COL6A1: variants seen among roughly 807,000 people sequenced by gnomAD.
The protein encoded by COL6A1 is collagen type VI alpha 1 chain, also known as collagen alpha-1(VI) chain.
COL6A1 carries 80 observed loss-of-function variants against 145.6 expected under a neutral mutation model. That is an observed-to-expected ratio of 0.55 (90% confidence interval 0.46 to 0.66). COL6A1 has a LOEUF of 0.66. COL6A1 is among the 30% of genes least tolerant of loss of function. COL6A1 has a pLI of 0.00. For synonymous variants in COL6A1, 638 were observed against 622.8 expected, an observed-to-expected ratio of 1.02 and a Z score of -0.36; for missense variants, 1,364 against 1,473.8, an observed-to-expected ratio of 0.93 and a Z score of 1.22.
At chr21:46,002,954 C>T (rs573060982) in intron 33 of COL6A1, among the ~76,000 whole-genome samples, 166 bp from the exon 34 acceptor site, 30 of 152,228 alleles carry the variant, frequency 2.0e-4, no homozygotes, top group African/African-American at 7.0e-4. Context: ...CCTGTAGGTG[C>T]GCACGGGGCC....
chr21:45,998,274 C>T (rs1453249873), intron 23 of COL6A1, 103 bp downstream of exon 23: 10 of 1,577,216 alleles, frequency 6.3e-6, no homozygotes, highest in Admixed American at 5.3e-5. Context: ...GCCCCAGGAC[C>T]GCCGGCTGGC....
At position 46,003,961 on chromosome 21, in the gene COL6A1, T is replaced by C. The variant is rs1569519270; in HGVS notation, c.3035T>C (p.Leu1012Pro). 21 of 1,612,914 alleles carry C rather than the reference T, an allele frequency of 1.3e-5. No homozygotes were observed. The highest frequency in any genetic ancestry group is 1.6e-5 in the Non-Finnish European group (19 of 1,179,888). ...TTCCGTGTCCCCAGCTACCAGGCCC[T>C]GCTCCGCGGTGTCTTCCACCAGACA... ...HLFRVPSYQALLRGVFHQTVS... is the reference protein window; with the variant it reads ...HLFRVPSYQAPLRGVFHQTVS... The change falls in exon 35 of 35, where the codon CTG becomes CCG. Residue 1012 changes from leucine (L) to proline (P), a missense_variant. Leu to Pro is a moderately conservative substitution (Grantham distance 98). Coordinates refer to ENST00000361866, the MANE Select transcript of COL6A1 (RefSeq NM_001848.3).
chr21:45,992,671 C>G, intron 18 of COL6A1, 77 bp from the exon 19 acceptor site: 1 of 1,429,550 alleles, frequency 7.0e-7, no homozygotes, highest in Non-Finnish European at 9.6e-7. Flanking sequence ...TCAGTCCAGG[C>G]CAGGCCTCAA....
intron 27 of COL6A1, 77 bp downstream of exon 27, chr21:45,999,769 G>C: frequency 6.7e-7 from 1 of 1,489,564 alleles, no homozygotes; most frequent in East Asian, 2.3e-5. Context: ...CCTGTCCATG[G>C]GTGCTCCTGT....
chr21:45,988,585 C>T (rs768876703), intron 8 of COL6A1, among the ~76,000 whole-genome samples: 24 of 152,074 alleles, frequency 1.6e-4, no homozygotes, highest in Non-Finnish European at 2.9e-4. Flanking sequence ...TGCCCTCAGC[C>T]GCACTCTGTT....
chr21:45,985,542 T>C (rs2077734711), intron 3 of COL6A1, among the ~76,000 whole-genome samples: 1 of 152,218 alleles, frequency 6.6e-6, no homozygotes, highest in African/African-American at 2.4e-5. Context: ...GCATGCGCTT[T>C]CTCGGGGTTT....
rs1270747244 is a variant in COL6A1 at position 46,001,196 on chromosome 21, G to A, written c.1823-57G>A. 9 of 1,581,916 alleles carry A rather than the reference G, an allele frequency of 5.7e-6. No individual in the cohort carries two copies. The East Asian group carries it at 1.8e-4, about 32-fold the overall frequency. On this transcript the variant is annotated intron_variant, in intron 29 of 34. Transcript: ENST00000361866. ...GGAGGGGCCAGGGCGGTGGAGGGGA[G>A]GGGCCAGGGCACTGGAGGGGAGGGG... is the stretch of plus-strand genomic sequence containing the variant.
chr21:45,984,486 C>T lies in COL6A1; in HGVS notation c.428+17C>T. On this transcript the variant is annotated intron_variant, in intron 3 of 34. Transcript: ENST00000361866. ...CCTCGTGGGGTGAGTGGCCCCCAGC[C>T]TCCTGCCCACGCCAGTTCTCACGCG... The T allele has an allele frequency of 6.2e-7, 1 of 1,604,196 alleles. No homozygotes were observed. Among genetic ancestry groups the T allele is most frequent in the East Asian group, 2.2e-5 (1 of 44,856 alleles).
intron 15 of COL6A1, 84 bp downstream of exon 15, chr21:45,991,125 C>A: frequency 1.4e-6 from 2 of 1,476,142 alleles, no homozygotes; most frequent in Non-Finnish European, 1.9e-6. Context: ...GAAGCAAGTC[C>A]TGGTCCGAGC....
In COL6A1 at chr21:46,004,688, G is replaced by A. The variant is rs867951149; in HGVS notation, c.*675G>A. ...TCTCCTGAGGGTCCTGCTGGTGACC[G>A]GCCTGGACCTTGGCCCTACAGCCCT... On this transcript the variant is annotated 3_prime_UTR_variant, in exon 35 of 35. Transcript: ENST00000361866. 40 of 452,796 alleles carry A rather than the reference G, an allele frequency of 8.8e-5. No individual in the cohort carries two copies. Among genetic ancestry groups the A allele is most frequent in the East Asian group, 6.3e-4 (9 of 14,218 alleles). The allele number at this position is 452,796 out of a possible 1,614,324, so 28.0% of individuals were successfully genotyped here. A position where few individuals can be genotyped will look rare whatever the true frequency, so the allele number is the denominator to read the frequency against.
intron 28 of COL6A1, 30 bp from the exon 29 acceptor site, chr21:46,000,729 G>A: frequency 6.2e-7 from 1 of 1,613,890 alleles, no homozygotes; most frequent in Non-Finnish European, 8.5e-7. Context: ...GGCCCTGACT[G>A]GTCTAACTGA....
rs142231749 is a variant in COL6A1 at position 45,986,981 on chromosome 21, A to G, written c.626A>G (p.Tyr209Cys). 3 of 1,552,350 alleles carry G rather than the reference A, an allele frequency of 1.9e-6. No individual in the cohort carries two copies. The highest frequency in any genetic ancestry group is 2.7e-5 in the African/African-American group (2 of 73,352). ...AGCATCATCGCCACGGACCACACGT[A>G]CCGGCGCAACTTCACGGCGGCTGAC... ...RLSIIATDHT[Y>C]RRNFTAADWG... Residue 209 changes from tyrosine to cysteine, a missense_variant, in exon 5 of 35, where the codon TAC becomes TGC. Around this residue, in one of 3 missense-constraint regions of COL6A1, gnomAD observed 414 missense variants for 437.6 expected, o/e 0.95. Coordinates refer to ENST00000361866, the MANE Select transcript of COL6A1 (RefSeq NM_001848.3).
intron 30 of COL6A1, 102 bp from the exon 31 acceptor site, chr21:46,001,859 C>G (rs2077847520): frequency 1.0e-6 from 1 of 1,001,348 alleles, no homozygotes; most frequent in Non-Finnish European, 1.5e-6. Context: ...TCCTGGGGGC[C>G]ATGCCACCCT....
At position 46,005,021 on chromosome 21, in the gene COL6A1, C is replaced by T. The variant is rs550295195; in HGVS notation, c.*1008C>T. On this transcript the variant is annotated 3_prime_UTR_variant, in exon 35 of 35. Transcript: ENST00000361866. ...TTCTGAACCATATCCATGTTGCTGA[C>T]TTTTCCAAATAAAGGTTTTCACTCC... 3.9e-5 allele frequency: 6 copies of T among 153,708 alleles called. No individual in the cohort carries two copies. The South Asian group carries it at 9.7e-4, about 25-fold the overall frequency. 9.5% of individuals were successfully genotyped at this position (153,708 alleles called of 1,614,324 possible).
At chr21:45,986,230 T>A (rs2077738066) in intron 3 of COL6A1, among the ~76,000 whole-genome samples, 1 of 152,132 alleles carries the variant, frequency 6.6e-6, no homozygotes, top group South Asian at 2.1e-4. Context: ...CAGCCTCCAC[T>A]CACTGGTCAG....
intron 30 of COL6A1, 107 bp from the exon 31 acceptor site, chr21:46,001,854 G>T: frequency 1.1e-6 from 1 of 940,832 alleles, no homozygotes; most frequent in South Asian, 1.4e-5. Context: ...TGAGGTCCTG[G>T]GGGCCATGCC....
In COL6A1 at chr21:46,003,391, T is replaced by G. The variant is rs780264446; in HGVS notation, c.2465T>G (p.Ile822Ser). ...DKKCPDYTCP[I>S]TFSSPADITI... is the part of the protein sequence containing the mutation. The stretch of plus-strand genomic sequence containing the variant: ...AACGGCTGCCCACCCCGCCCCGCAG[T>G]CACGTTCTCCTCCCCGGCTGACATC... The change falls in exon 35 of 35, where the codon ATC becomes AGC. Residue 822 changes from isoleucine to serine, a missense_variant and splice_region_variant. Ile to Ser is a moderately radical substitution (Grantham distance 142). This residue lies in a region of COL6A1 where 938 missense variants were observed against 1,003.8 expected (regional missense o/e 0.93). Coordinates refer to ENST00000361866, the MANE Select transcript of COL6A1 (RefSeq NM_001848.3). 36 of 1,600,152 alleles carry G rather than the reference T, an allele frequency of 2.2e-5. No individual in the cohort carries two copies. Among genetic ancestry groups the G allele is most frequent in the Non-Finnish European group, 2.9e-5 (34 of 1,179,702 alleles).
At chr21:45,986,405 A>G in intron 3 of COL6A1, 121 bp from the exon 4 acceptor site, 1 of 934,440 alleles carries the variant, frequency 1.1e-6, no homozygotes, top group South Asian at 1.4e-5. Context: ...TATAGCCAGG[A>G]TCAGCAAAGA....
At position 45,982,717 on chromosome 21, in the gene COL6A1, A is replaced by G. The variant is rs1439633596; in HGVS notation, c.181A>G (p.Lys61Glu). The change falls in exon 2 of 35, where the codon AAA becomes GAA. Residue 61 changes from lysine (K) to glutamate (E), a missense_variant. Coordinates refer to ENST00000361866, the MANE Select transcript of COL6A1 (RefSeq NM_001848.3). ...RLKPYGALVDKVKSFTKRFID... is the reference protein window; with the variant it reads ...RLKPYGALVDEVKSFTKRFID... ...GAAGCCCTACGGGGCCCTCGTGGAC[A>G]AAGTCAAGTCCTTCACCAAGCGCTT... The G allele has an allele frequency of 1.9e-6, 3 of 1,612,752 alleles. No homozygotes were observed. Among genetic ancestry groups the G allele is most frequent in the Admixed American group, 1.7e-5 (1 of 60,020 alleles).
Sources: gnomAD v4.1 joint callset for allele counts (sites outside exome capture counted in the v4.1 genomes callset) on GRCh38, gnomAD v4.1.1 for gene constraint, gnomAD v4.1.1 regional missense constraint, MANE v1.5 for transcripts, NCBI Gene and HGNC (gene_info 2026-07-23, HGNC 2026-07-21) for gene names.